The following OSBPL9 variants were observed in gnomAD, a reference collection of about 807,000 sequenced individuals.
OSBPL9 encodes oxysterol binding protein like 9.
A neutral mutation model predicts 106.6 loss-of-function variants in OSBPL9; 40 were observed. That is an observed-to-expected ratio of 0.38 (90% CI 0.29 to 0.49). The LOEUF (loss-of-function observed/expected upper bound fraction) is 0.49. OSBPL9 is among the 20% of genes least tolerant of loss of function. The probability of loss-of-function intolerance (pLI) is 0.97; values close to 1 mark genes in which losing one functional copy is unlikely to be tolerated. For missense variants in OSBPL9, 609 were observed against 887.2 expected (o/e 0.69, Z 3.98); for synonymous variants, 269 against 295.4 (o/e 0.91, Z 0.92).
the OSBPL9 span, chr1:51,567,450 A>C: frequency 0.21 from 32,173 of 151,992 alleles, 5,274 homozygotes; most frequent in African/African-American, 0.46. Flanking sequence ...TAAACTGACT[A>C]CCCATCCCCA....
intron 2 of OSBPL9, among the ~76,000 whole-genome samples, chr1:51,607,696 A>G (rs983459406): frequency 8.5e-5 from 13 of 152,140 alleles, no homozygotes; most frequent in African/African-American, 3.1e-4. Flanking sequence ...CTCATCAGCT[A>G]TGTCTATCTG....
At chr1:51,733,669 G>T (rs1360359569) in intron 4 of OSBPL9, among the ~76,000 whole-genome samples, 2 of 152,054 alleles carry the variant, frequency 1.3e-5, no homozygotes, top group Non-Finnish European at 2.9e-5. Context: ...CAGCCACTTG[G>T]GGGGCTGAGG....
intron 1 of OSBPL9, among the ~76,000 whole-genome samples, chr1:51,593,649 C>A (rs910168286): frequency 1.3e-5 from 2 of 152,184 alleles, no homozygotes; most frequent in African/African-American, 4.8e-5. Flanking sequence ...CTGTCCAGGC[C>A]TTTTGCCTGG....
At chr1:51,770,250 T>G (rs1347023882) in intron 12 of OSBPL9, among the ~76,000 whole-genome samples, 1 of 151,780 alleles carries the variant, frequency 6.6e-6, no homozygotes, top group East Asian at 1.9e-4. Context: ...CAAACGATTC[T>G]CATGTCTCAG....
At chr1:51,625,582 A>C (rs1421394658) in intron 1 of OSBPL9, among the ~76,000 whole-genome samples, 2 of 150,254 alleles carry the variant, frequency 1.3e-5, no homozygotes, top group Non-Finnish European at 3.0e-5. Context: ...GTGCAGTGGC[A>C]TGATTTTGGC....
chr1:51,577,487 A>T (rs1645192989), intron 1 of OSBPL9, among the ~76,000 whole-genome samples: 1 of 151,682 alleles, frequency 6.6e-6, no homozygotes. Context: ...GTTAGCCAGG[A>T]TGGTCTCCGT....
chr1:51,754,203 C>T (rs1669868756), intron 8 of OSBPL9, among the ~76,000 whole-genome samples: 1 of 152,186 alleles, frequency 6.6e-6, no homozygotes. Flanking sequence ...ACTCAGAATG[C>T]CTGTCAGAAT....
chr1:51,571,629 T>G, the OSBPL9 span, among the ~76,000 whole-genome samples: 1 of 152,120 alleles, frequency 6.6e-6, no homozygotes, highest in African/African-American at 2.4e-5. Flanking sequence ...ATCACACCAT[T>G]GCACTCCAGC....
chr1:51,519,111 C>G, the OSBPL9 span: 2 of 931,598 alleles, frequency 2.1e-6, no homozygotes, highest in Non-Finnish European at 1.5e-6. Flanking sequence ...GCCTGCTTGG[C>G]CCACAAGCCA....
At chr1:51,700,657 G>A (rs960968161) in intron 3 of OSBPL9, among the ~76,000 whole-genome samples, 2 of 152,042 alleles carry the variant, frequency 1.3e-5, no homozygotes, top group African/African-American at 4.8e-5. Context: ...TGTATTCAGA[G>A]GTATAGGATG....
At chr1:51,617,040 C>T, upstream of OSBPL9, 1 of 1,535,010 alleles carries the variant, frequency 6.5e-7, no homozygotes, top group Non-Finnish European at 8.8e-7. Context: ...CCTGCGGCCC[C>T]GCCCCCCGCA....
At chr1:51,592,259 C>T (rs1034509891) in intron 1 of OSBPL9, among the ~76,000 whole-genome samples, 2 of 151,792 alleles carry the variant, frequency 1.3e-5, no homozygotes, top group African/African-American at 4.8e-5. Context: ...GGACTACAGG[C>T]GCCCGCCACC....
At chr1:51,562,304 TC>T in the OSBPL9 span, among the ~76,000 whole-genome samples, 79 of 151,978 alleles carry the variant, frequency 5.2e-4, no homozygotes, top group African/African-American at 1.8e-3. Context: ...GTGTAGCACC[TC>T]CCCCCTTTCT....
chr1:51,788,437 ATAAAG>A lies in OSBPL9; in HGVS notation c.*652_*656del, dbSNP rs1191942224. ...AATTATTCTTAGTGCTTAAGGCTTC[ATAAAG>A]TAATTTTTCCAACCTTTTTTTTAAA... On this transcript the variant is annotated 3_prime_UTR_variant, in exon 24 of 24. Transcript: ENST00000428468. 2.6e-5 allele frequency: 4 copies of A among 152,662 alleles called. No individual in the cohort carries two copies. Among genetic ancestry groups the A allele is most frequent in the East Asian group, 1.9e-4 (1 of 5,200 alleles). 9.5% of individuals were successfully genotyped at this position (152,662 alleles called of 1,614,324 possible).
At chr1:51,604,578 G>A (rs1372971993) in intron 2 of OSBPL9, among the ~76,000 whole-genome samples, 1 of 151,930 alleles carries the variant, frequency 6.6e-6, no homozygotes, top group African/African-American at 2.4e-5. Context: ...AATTCATTAG[G>A]TATTTATTGT....
intron 1 of OSBPL9, among the ~76,000 whole-genome samples, chr1:51,587,936 C>T (rs888405799): frequency 1.3e-5 from 2 of 152,250 alleles, no homozygotes; most frequent in Non-Finnish European, 2.9e-5. Flanking sequence ...TCCAGATGTT[C>T]CCCTCCTTGG....
intron 3 of OSBPL9, among the ~76,000 whole-genome samples, chr1:51,692,270 G>A (rs2148828572): frequency 6.6e-6 from 1 of 152,264 alleles, no homozygotes; most frequent in African/African-American, 2.4e-5. Flanking sequence ...CTCTGATTGT[G>A]CCACTGCACT....
At chr1:51,670,803 A>T (rs1000947234) in intron 3 of OSBPL9, among the ~76,000 whole-genome samples, 10 of 152,244 alleles carry the variant, frequency 6.6e-5, no homozygotes, top group Non-Finnish European at 1.5e-4. Context: ...TAAATATGTA[A>T]TGCTGCCTAT....
chr1:51,745,857 AAAAG>A lies in OSBPL9; in HGVS notation c.414+227_414+230del, dbSNP rs57739580. Among the ~76,000 whole-genome samples, 1,096 of 152,322 alleles carry A rather than the reference AAAAG, an allele frequency of 7.2e-3. 10 individuals carry two copies. Among genetic ancestry groups the A allele is most frequent in the African/African-American group, 0.025 (1,053 of 41,570 alleles). On this transcript the variant is annotated intron_variant, in intron 5 of 23. Coordinates refer to ENST00000428468, the MANE Select transcript of OSBPL9 (RefSeq NM_024586.6). ...AATGCTTTTTTGGTCATTAAGAAAA[AAAAG>A]GTAAATATGTAGGCATAATTAGAAA...
Sources: gnomAD v4.1 joint callset for allele counts (sites outside exome capture counted in the v4.1 genomes callset) on GRCh38, gnomAD v4.1.1 for gene constraint, MANE v1.5 for transcripts, NCBI Gene and HGNC (gene_info 2026-07-23, HGNC 2026-07-21) for gene names.